Variants in PHTF1 observed in about 807,000 individuals in gnomAD.
PHTF1 encodes protein PHTF1.
PHTF1 carries 88 observed loss-of-function variants against 102.4 expected under a neutral mutation model. The observed-to-expected ratio is 0.86, with a 90% CI of 0.72 to 1.03. PHTF1 has a LOEUF of 1.03. Among genes scored for constraint, PHTF1 ranks in the 50% least tolerant of loss-of-function variants. The probability of loss-of-function intolerance (pLI) is 0.00; values close to 1 mark genes in which losing one functional copy is unlikely to be tolerated. For missense variants in PHTF1, 814 were observed against 909.5 expected (o/e 0.89, Z 1.35); for synonymous variants, 289 against 305.2 (o/e 0.95, Z 0.55).
intron 5 of PHTF1, among the ~76,000 whole-genome samples, chr1:113,729,328 C>T (rs573624606): frequency 8.1e-4 from 123 of 152,144 alleles, no homozygotes; most frequent in Non-Finnish European, 1.6e-3. Flanking sequence ...ACGAAAAATA[C>T]CTAGTATTTG....
At chr1:113,726,726 C>T in intron 5 of PHTF1, 152 bp from the exon 6 acceptor site, 1 of 544,714 alleles carries the variant, frequency 1.8e-6, no homozygotes, top group Non-Finnish European at 3.1e-6. Flanking sequence ...TGCACATTAG[C>T]CAAGTGAAAA....
rs936620425 is a variant in PHTF1, at chr1:113,705,870, T to G, written c.1671+20A>C. ...CATATACAAAAACAGGTAAAAAATTTTCCTTATTTCTCCACTGACCTGTTT... is the reference window on the plus strand; with the variant it reads ...CATATACAAAAACAGGTAAAAAATTGTCCTTATTTCTCCACTGACCTGTTT... On this transcript the variant is annotated intron_variant, in intron 13 of 18. Transcript: ENST00000369604. 2 of 1,592,482 alleles carry G rather than the reference T, an allele frequency of 1.3e-6. No individual in the cohort carries two copies. The highest frequency in any genetic ancestry group is 1.7e-4 in the Middle Eastern group (1 of 5,938).
chr1:113,738,364 T>A, intron 4 of PHTF1, 96 bp from the exon 5 acceptor site: 1 of 868,204 alleles, frequency 1.2e-6, no homozygotes. Context: ...AGTGCAAAAA[T>A]CAGCACAAAA....
rs371523931 is a variant in PHTF1, at chr1:113,713,283, C to T, written c.779G>A (p.Arg260His). 2.2e-5 allele frequency: 35 copies of T among 1,613,184 alleles called. No individual in the cohort carries two copies. Among genetic ancestry groups the T allele is most frequent in the Middle Eastern group, 1.7e-4 (1 of 6,060 alleles). ...KAKFSDGEKC[R>H]REAFRRLGNG... ...TTAAATCCATCTAAATCTTACCCTA[C>T]GGCACTTTTCTCCATCTGAAAATTT... The change falls in exon 8 of 19, where the codon CGT (arginine) becomes CAT (histidine). Residue 260 changes from arginine to histidine, a missense_variant. Coordinates refer to ENST00000369604, the MANE Select transcript of PHTF1 (RefSeq NM_001323043.2).
intron 6 of PHTF1, chr1:113,725,564 T>C (rs1265408951): frequency 1.3e-5 from 2 of 152,240 alleles, no homozygotes; most frequent in Admixed American, 6.5e-5. Context: ...TAACACTGCA[T>C]ATACCTAAGA....
At chr1:113,731,765 C>T (rs907599293) in intron 5 of PHTF1, among the ~76,000 whole-genome samples, 2 of 151,546 alleles carry the variant, frequency 1.3e-5, no homozygotes, top group African/African-American at 4.9e-5. Flanking sequence ...GGCATGGTAG[C>T]GGGTACCTGT....
intron 15 of PHTF1, among the ~76,000 whole-genome samples, chr1:113,701,776 C>T (rs1335026394): frequency 1.6e-5 from 2 of 121,536 alleles, no homozygotes; most frequent in African/African-American, 6.5e-5. Context: ...GCAATAGAAT[C>T]CTAAAAGTGC....
Position 113,704,809 on chromosome 1 carries a change from T to G in PHTF1, c.1672-12A>C. ...GCAAATAAAAATCTCTAGAAGAGAT[T>G]TAAAAAAAATCACAGTGAAATGTAT... is the stretch of plus-strand genomic sequence containing the variant. On this transcript the variant is annotated splice_polypyrimidine_tract_variant and intron_variant, in intron 13 of 18. Transcript: ENST00000369604. 1 of 1,554,692 alleles carries G rather than the reference T, an allele frequency of 6.4e-7. No individual in the cohort carries two copies. Among genetic ancestry groups the G allele is most frequent in the Non-Finnish European group, 8.8e-7 (1 of 1,139,988 alleles).
At chr1:113,734,621 G>A (rs1023175592) in intron 5 of PHTF1, among the ~76,000 whole-genome samples, 4 of 152,208 alleles carry the variant, frequency 2.6e-5, no homozygotes, top group East Asian at 1.9e-4. Context: ...AGTAAAATGT[G>A]AGAAGAGAGA....
chr1:113,726,470 CA>C lies in PHTF1; in HGVS notation c.435del (p.Ile145MetfsTer6). On this transcript the variant is annotated frameshift_variant, in exon 6 of 19. Transcript: ENST00000369604. LOFTEE classifies it high-confidence loss of function. ...GATGGTCTTGTTATCTGAGTAGACA[CA>C]ATTTGACAGTGGACAGTTCCCATGA... is the stretch of plus-strand genomic sequence containing the variant. ...MLLMGTVHCQIVSTQITRPSG... is the reference protein window; with the variant it reads ...MLLMGTVHCQXVSTQITRPSG... 1.2e-6 allele frequency: 2 copies of C among 1,611,554 alleles called. No homozygotes were observed. The highest frequency in any genetic ancestry group is 1.7e-6 in the Non-Finnish European group (2 of 1,178,816).
chr1:113,705,394 T>TCACA (rs1030038313), intron 13 of PHTF1, among the ~76,000 whole-genome samples: 1 of 152,084 alleles, frequency 6.6e-6, no homozygotes, highest in African/African-American at 2.4e-5. Context: ...TGAGCCGTGA[T>TCACA]CACACCACTA....
At chr1:113,744,023 C>T (rs1571229398) in intron 3 of PHTF1, among the ~76,000 whole-genome samples, 1 of 152,296 alleles carries the variant, frequency 6.6e-6, no homozygotes. Context: ...TTAAATCAAA[C>T]AAGACTGCTT....
At chr1:113,732,890 T>G (rs1356199049) in intron 5 of PHTF1, among the ~76,000 whole-genome samples, 1 of 151,938 alleles carries the variant, frequency 6.6e-6, no homozygotes, top group Non-Finnish European at 1.5e-5. Context: ...GGTAACAATC[T>G]TTTGTTGAGG....
intron 5 of PHTF1, among the ~76,000 whole-genome samples, chr1:113,737,532 CAATAT>C (rs1371168453): frequency 1.3e-5 from 2 of 152,102 alleles, no homozygotes; most frequent in Non-Finnish European, 2.9e-5. Context: ...TTAGGTAATC[CAATAT>C]TCAGGCTAAA....
intron 3 of PHTF1, among the ~76,000 whole-genome samples, chr1:113,744,308 G>A (rs1216903107): frequency 6.6e-6 from 1 of 152,196 alleles, no homozygotes; most frequent in Non-Finnish European, 1.5e-5. Context: ...AACACTGGAG[G>A]TATTGATGCA....
At chr1:113,700,039 C>A in intron 16 of PHTF1, 3 of 1,105,752 alleles carry the variant, frequency 2.7e-6, no homozygotes, top group Non-Finnish European at 3.4e-6. Context: ...AATATCAAAA[C>A]AATGAAAAAT....
At chr1:113,726,295 TTC>T in intron 6 of PHTF1, 121 bp downstream of exon 6, 3 of 793,608 alleles carry the variant, frequency 3.8e-6, no homozygotes, top group Non-Finnish European at 6.0e-6. Flanking sequence ...TGCATTCATT[TTC>T]TAAGCCAAAA....
intron 11 of PHTF1, among the ~76,000 whole-genome samples, chr1:113,708,872 A>T (rs1299273483): frequency 6.6e-6 from 1 of 152,198 alleles, no homozygotes; most frequent in Non-Finnish European, 1.5e-5. Flanking sequence ...ACTATGCATA[A>T]CTACTGAAAA....
Position 113,698,291 on chromosome 1 carries a change from TAAC to T in PHTF1, c.2236_2238del (p.Val746del). On this transcript the variant is annotated inframe_deletion, in exon 18 of 19. Coordinates refer to ENST00000369604, the MANE Select transcript of PHTF1 (RefSeq NM_001323043.2). ...ATATTAAATCCTAGAAGATCACTTATAACACCTGAGACAGCAGAAAGGATAACT... is the reference window on the plus strand; with the variant it reads ...ATATTAAATCCTAGAAGATCACTTATACCTGAGACAGCAGAAAGGATAACT... 2 of 1,609,138 alleles carry T rather than the reference TAAC, an allele frequency of 1.2e-6. No homozygotes were observed. The highest frequency in any genetic ancestry group is 1.7e-6 in the Non-Finnish European group (2 of 1,175,814).
Sources: allele counts gnomAD v4.1 joint callset (sites outside exome capture counted in the v4.1 genomes callset), GRCh38; gene constraint gnomAD v4.1.1; transcripts MANE v1.5; gene names NCBI Gene and HGNC (gene_info 2026-07-23, HGNC 2026-07-21).